The following ADCY2 variants were observed in gnomAD, a reference collection of about 807,000 sequenced individuals.
The protein encoded by ADCY2 is adenylate cyclase type 2.
ADCY2 carries 31 observed loss-of-function variants against 125.2 expected under a neutral mutation model. The observed-to-expected ratio is 0.25, with a 90% CI of 0.19 to 0.33. The LOEUF (loss-of-function observed/expected upper bound fraction) is 0.33. Among genes scored for constraint, ADCY2 ranks in the 10% least tolerant of loss-of-function variants. ADCY2 has a pLI of 1.00. For synonymous variants in ADCY2, 512 were observed against 548.4 expected, an observed-to-expected ratio of 0.93 and a Z score of 0.93; for missense variants, 904 against 1,418.2, an observed-to-expected ratio of 0.64 and a Z score of 5.82.
intron 4 of ADCY2, among the ~76,000 whole-genome samples, chr5:7,688,656 T>A (rs994632053): frequency 1.3e-5 from 2 of 152,154 alleles, no homozygotes; most frequent in Admixed American, 1.3e-4. Context: ...TATTACATAC[T>A]TTGTATGTAA....
At chr5:7,436,899 C>CTTG (rs1740825696) in intron 2 of ADCY2, among the ~76,000 whole-genome samples, 1 of 152,152 alleles carries the variant, frequency 6.6e-6, no homozygotes, top group Non-Finnish European at 1.5e-5. Flanking sequence ...GCCAGCTGAA[C>CTTG]TTGTTGGAGC....
chr5:7,755,824 A>G (rs1481472974), intron 15 of ADCY2, among the ~76,000 whole-genome samples: 2 of 152,252 alleles, frequency 1.3e-5, no homozygotes, highest in Admixed American at 6.5e-5. Context: ...TAGGGCAACA[A>G]TAATTTTAGG....
intron 2 of ADCY2, among the ~76,000 whole-genome samples, chr5:7,433,227 A>G (rs1037175050): frequency 2.0e-5 from 3 of 152,184 alleles, no homozygotes; most frequent in African/African-American, 7.2e-5. Flanking sequence ...AGTAGAATAA[A>G]GTTACTGAGA....
At chr5:7,431,828 A>G (rs1208944979) in intron 2 of ADCY2, among the ~76,000 whole-genome samples, 1 of 152,180 alleles carries the variant, frequency 6.6e-6, no homozygotes, top group Non-Finnish European at 1.5e-5. Flanking sequence ...CATATTCAGT[A>G]TTACTGATAG....
chr5:7,516,214 A>T (rs1340438738), intron 2 of ADCY2, among the ~76,000 whole-genome samples: 1 of 152,242 alleles, frequency 6.6e-6, no homozygotes, highest in African/African-American at 2.4e-5. Flanking sequence ...TGCAGCTAGT[A>T]AAAAGTAAAT....
chr5:7,480,291 C>T (rs1742681093), intron 2 of ADCY2, among the ~76,000 whole-genome samples: 1 of 152,110 alleles, frequency 6.6e-6, no homozygotes, highest in Non-Finnish European at 1.5e-5. Flanking sequence ...ATTATAAGGA[C>T]ACATGTATTG....
intron 2 of ADCY2, among the ~76,000 whole-genome samples, chr5:7,454,203 C>G (rs1741581276): frequency 6.6e-6 from 1 of 152,192 alleles, no homozygotes. Context: ...GACCTTTCAT[C>G]AGCAAAAAGT....
chr5:7,478,333 A>C (rs1238878720), intron 2 of ADCY2, among the ~76,000 whole-genome samples: 4 of 152,184 alleles, frequency 2.6e-5, no homozygotes, highest in African/African-American at 9.7e-5. Context: ...TAGCATATGC[A>C]ATTGAAGCAG....
chr5:7,557,148 T>TATATATATATATATATATATATATAA (rs1561092421), intron 3 of ADCY2, among the ~76,000 whole-genome samples: 2 of 131,688 alleles, frequency 1.5e-5, no homozygotes, highest in African/African-American at 5.4e-5. Context: ...TATATATATA[T>TATATATATATATATATATATATATAA]AAACTTTATA....
In ADCY2 at chr5:7,802,064, A is replaced by G. The variant is rs1449311776; in HGVS notation, c.2629-154A>G. Reference sequence around the variant, plus strand: ...GCTTTCCCCTGAGAGCAGCGGCAGCATCTGGATTGGGCCGCGGCTGGGGTG... The same window carrying G: ...GCTTTCCCCTGAGAGCAGCGGCAGCGTCTGGATTGGGCCGCGGCTGGGGTG... On this transcript the variant is annotated intron_variant, in intron 20 of 24. Transcript: ENST00000338316. This position sits in a 1 kb window ranked among gnomAD's most constrained non-coding sequence, Gnocchi z 4.6. 1.1e-4 allele frequency: 79 copies of G among 726,104 alleles called. No individual in the cohort carries two copies. In the East Asian group the frequency reaches 2.0e-3, roughly 19 times the overall value. 45.0% of individuals were successfully genotyped at this position (726,104 alleles called of 1,614,324 possible). A position where few individuals can be genotyped will look rare whatever the true frequency, so the allele number is the denominator to read the frequency against.
At chr5:7,753,224 A>G (rs1446829312) in intron 15 of ADCY2, among the ~76,000 whole-genome samples, 2 of 152,038 alleles carry the variant, frequency 1.3e-5, no homozygotes, top group African/African-American at 4.8e-5. Flanking sequence ...TTCTTCTTTT[A>G]TTACATCTCC....
At chr5:7,427,689 C>T (rs576919423) in intron 2 of ADCY2, among the ~76,000 whole-genome samples, 1 of 152,234 alleles carries the variant, frequency 6.6e-6, no homozygotes, top group East Asian at 1.9e-4. Context: ...GATCTTATTT[C>T]CAAATAAGGT....
intron 3 of ADCY2, among the ~76,000 whole-genome samples, chr5:7,523,012 A>C (rs758649768): frequency 6.6e-6 from 1 of 152,068 alleles, no homozygotes; most frequent in Non-Finnish European, 1.5e-5. Flanking sequence ...GCAATCAGAC[A>C]CTCAAACATG....
chr5:7,522,719 G>A (rs183028408), intron 3 of ADCY2: 18 of 139,134 alleles, frequency 1.3e-4, no homozygotes, highest in African/African-American at 4.0e-4. Flanking sequence ...TGGCTAACAC[G>A]GTGAAACCCC....
At chr5:7,728,495 C>G (rs1742001912) in intron 14 of ADCY2, among the ~76,000 whole-genome samples, 1 of 152,148 alleles carries the variant, frequency 6.6e-6, no homozygotes. Flanking sequence ...TCAGGACTTA[C>G]AGAATCTTCA....
chr5:7,755,244 A>G (rs950997081), intron 15 of ADCY2, among the ~76,000 whole-genome samples: 2 of 152,196 alleles, frequency 1.3e-5, no homozygotes, highest in African/African-American at 4.8e-5. Context: ...TGAGGGCAGC[A>G]GTGGCTCAAG....
intron 2 of ADCY2, among the ~76,000 whole-genome samples, chr5:7,432,596 A>C (rs1234196613): frequency 6.6e-6 from 1 of 152,218 alleles, no homozygotes; most frequent in African/African-American, 2.4e-5. Context: ...GCACGGAAGT[A>C]GCTGGCAGTT....
chr5:7,812,844 A>G (rs1227088787), intron 22 of ADCY2, among the ~76,000 whole-genome samples: 1 of 152,178 alleles, frequency 6.6e-6, no homozygotes, highest in Non-Finnish European at 1.5e-5. Context: ...TGGGAGGCGG[A>G]GGTTGCAGTG....
chr5:7,823,797 G>A (rs987381503), intron 24 of ADCY2, among the ~76,000 whole-genome samples: 2 of 152,212 alleles, frequency 1.3e-5, no homozygotes, highest in Non-Finnish European at 2.9e-5. Flanking sequence ...GCTCCCTCCT[G>A]GAGATCGTAA....
Sources: allele counts gnomAD v4.1 joint callset (sites outside exome capture counted in the v4.1 genomes callset), GRCh38; gene constraint gnomAD v4.1.1; non-coding constraint Gnocchi (gnomAD v3.1); transcripts MANE v1.5; gene names NCBI Gene and HGNC (gene_info 2026-07-23, HGNC 2026-07-21).